The following ZNF254 variants were observed in gnomAD, a reference collection of about 807,000 sequenced individuals.
ZNF254 encodes CTD-2017D11.1.
In ZNF254, 10 loss-of-function variants were observed where a neutral mutation model predicts 12.4. The ratio of observed to expected loss-of-function variants is 0.80; its 90% CI spans 0.50 to 1.36. ZNF254 has a LOEUF of 1.36. ZNF254 is among the 40% of genes most tolerant of loss of function. ZNF254 has a pLI of 0.00. For synonymous variants in ZNF254, 305 were observed against 253.4 expected, an observed-to-expected ratio of 1.20 and a Z score of -1.93; for missense variants, 996 against 763.9, an observed-to-expected ratio of 1.30 and a Z score of -3.58.
At chr19:24,099,254 C>G (rs761098865) in intron 1 of ZNF254, among the ~76,000 whole-genome samples, 4 of 151,460 alleles carry the variant, frequency 2.6e-5, no homozygotes, top group African/African-American at 4.9e-5. Context: ...ATCCACCAGC[C>G]TCAGCCTCCC....
intron 2 of ZNF254, chr19:24,080,043 AC>A (rs1259005702): frequency 6.6e-6 from 1 of 152,170 alleles, no homozygotes; most frequent in African/African-American, 2.4e-5. Context: ...ACATTTTATA[AC>A]CCAGTCTGCC....
intron 1 of ZNF254, among the ~76,000 whole-genome samples, chr19:24,045,778 A>G (rs892792738): frequency 1.3e-5 from 2 of 151,932 alleles, no homozygotes; most frequent in Admixed American, 1.3e-4. Flanking sequence ...AATTAGTCTC[A>G]GAGTGTGGTG....
At chr19:24,126,227 A>T in intron 3 of ZNF254, 27 bp from the exon 4 acceptor site, 1 of 1,375,702 alleles carries the variant, frequency 7.3e-7, no homozygotes, top group East Asian at 2.6e-5. Flanking sequence ...AAGTGGAGTA[A>T]TTTATTTATT....
chr19:24,040,927 A>T (rs190621781), intron 1 of ZNF254, among the ~76,000 whole-genome samples: 1 of 152,328 alleles, frequency 6.6e-6, no homozygotes, highest in Admixed American at 6.5e-5. Context: ...AGTGCTGGAG[A>T]GCAACATCAG....
At chr19:24,088,009 G>A (rs1280897377) in intron 1 of ZNF254, among the ~76,000 whole-genome samples, 1 of 148,252 alleles carries the variant, frequency 6.7e-6, no homozygotes, top group Non-Finnish European at 1.5e-5. Flanking sequence ...TCCGCCTCTT[G>A]GGTTCAAGCG....
Position 24,127,579 on chromosome 19 carries a change from T to G in ZNF254, c.1579T>G (p.Phe527Val). Residue 527 changes from phenylalanine (F) to valine (V), a missense_variant, in exon 4 of 4, where the codon TTT (phenylalanine) becomes GTT (valine). Transcript: ENST00000357002. Reference protein sequence around the residue: ...PYKCEECGKAFNWSSTLTKHK... With the variant: ...PYKCEECGKAVNWSSTLTKHK... Reference sequence around the variant, plus strand: ...CAAATGTGAAGAATGTGGCAAAGCCTTTAACTGGTCCTCAACTCTTACTAA... The same window carrying G: ...CAAATGTGAAGAATGTGGCAAAGCCGTTAACTGGTCCTCAACTCTTACTAA... 6.2e-7 allele frequency: 1 copy of G among 1,608,156 alleles called. No homozygotes were observed. The highest frequency in any genetic ancestry group is 8.5e-7 in the Non-Finnish European group (1 of 1,176,830).
rs1974888917 is a variant in ZNF254 at position 24,126,848 on chromosome 19, CA to C, written c.849del (p.His284IlefsTer3). 1 of 1,612,960 alleles carries C rather than the reference CA, an allele frequency of 6.2e-7. No homozygotes were observed. The highest frequency in any genetic ancestry group is 1.3e-5 in the African/African-American group (1 of 74,854). On this transcript the variant is annotated frameshift_variant, in exon 4 of 4. Transcript: ENST00000357002. LOFTEE classifies it low-confidence loss of function (END_TRUNC). ...TTTAATCGATCCTCAAATCTTACTA[CA>C]CATAAGATAATTCATACTGGAGAGA... ...EAFNRSSNLTTHKIIHTGEKP... is the reference protein window; with the variant it reads ...EAFNRSSNLTXHKIIHTGEKP...
Position 24,128,254 on chromosome 19 carries a change from T to C in ZNF254, c.*274T>C. 2.8e-6 allele frequency: 1 copy of C among 356,232 alleles called. No individual in the cohort carries two copies. The highest frequency in any genetic ancestry group is 5.0e-6 in the Non-Finnish European group (1 of 199,440). The allele number at this position is 356,232 out of a possible 1,614,324, so 22.1% of individuals were successfully genotyped here. Reference sequence around the variant, plus strand: ...AAGCTTCGACAATGCTCACACCCTATTGCACAGGAAAGCATTTATACTTGA... The same window carrying C: ...AAGCTTCGACAATGCTCACACCCTACTGCACAGGAAAGCATTTATACTTGA... On this transcript the variant is annotated 3_prime_UTR_variant, in exon 4 of 4. Transcript: ENST00000357002.
intron 1 of ZNF254, among the ~76,000 whole-genome samples, chr19:24,033,797 G>A (rs556967610): frequency 6.6e-6 from 1 of 152,190 alleles, no homozygotes; most frequent in Non-Finnish European, 1.5e-5. Context: ...CCCGCGTTCA[G>A]CCCCGTCCCT....
At chr19:24,112,451 A>C (rs9710593) in intron 3 of ZNF254, among the ~76,000 whole-genome samples, 7 of 140,658 alleles carry the variant, frequency 5.0e-5, no homozygotes, top group Admixed American at 4.9e-4. Context: ...TTGGTTCCAT[A>C]TGAACTTTAA....
intron 3 of ZNF254, among the ~76,000 whole-genome samples, chr19:24,118,660 C>T (rs912178156): frequency 6.6e-6 from 1 of 151,834 alleles, no homozygotes; most frequent in African/African-American, 2.4e-5. Flanking sequence ...GAGGCCTTAT[C>T]CCTCTATTAA....
chr19:24,078,910 A>G (rs1277673866), intron 2 of ZNF254: 1 of 152,212 alleles, frequency 6.6e-6, no homozygotes, highest in Non-Finnish European at 1.5e-5. Context: ...AGGGCTGTCT[A>G]CAACAAAACA....
chr19:24,087,912 T>G (rs1972126825), intron 1 of ZNF254, among the ~76,000 whole-genome samples: 1 of 151,010 alleles, frequency 6.6e-6, no homozygotes. Context: ...TGTCGTTTTT[T>G]TTTTTTTTTT....
At chr19:24,039,223 A>T (rs1970071964) in intron 1 of ZNF254, among the ~76,000 whole-genome samples, 1 of 152,204 alleles carries the variant, frequency 6.6e-6, no homozygotes, top group Non-Finnish European at 1.5e-5. Context: ...CAGGCTTTGG[A>T]TCTTGTCCAG....
Position 24,126,447 on chromosome 19 carries a change from CCAGAG to C in ZNF254, c.450_454del (p.Lys152IlefsTer4), listed in dbSNP as rs773125432. 8.3e-5 allele frequency: 132 copies of C among 1,596,366 alleles called. No homozygotes were observed. The highest frequency in any genetic ancestry group is 1.1e-4 in the Non-Finnish European group (132 of 1,174,578). Reference sequence around the variant, plus strand: ...GACTTAACCAGTGTTTCACAACTGCCCAGAGCAAAGTATTTCAATGTGATAAATAT... The same window carrying C: ...GACTTAACCAGTGTTTCACAACTGCCCAAAGTATTTCAATGTGATAAATAT... On this transcript the variant is annotated frameshift_variant, in exon 4 of 4. Transcript: ENST00000357002. LOFTEE classifies it low-confidence loss of function (END_TRUNC).
intron 2 of ZNF254, among the ~76,000 whole-genome samples, chr19:24,046,511 C>A (rs756681728): frequency 6.6e-6 from 1 of 151,340 alleles, no homozygotes; most frequent in Non-Finnish European, 1.5e-5. Flanking sequence ...TATTTATGTA[C>A]TTCCTGGGCT....
chr19:24,091,221 A>G (rs1480844279), intron 1 of ZNF254, among the ~76,000 whole-genome samples: 1 of 151,998 alleles, frequency 6.6e-6, no homozygotes, highest in Non-Finnish European at 1.5e-5. Context: ...CTGGGATTAC[A>G]GGCATCAACC....
rs1290765998 is a variant in ZNF254, at chr19:24,127,307, G to A, written c.1307G>A (p.Cys436Tyr). The A allele has an allele frequency of 1.2e-6, 2 of 1,613,666 alleles. No individual in the cohort carries two copies. Among genetic ancestry groups the A allele is most frequent in the Admixed American group, 1.7e-5 (1 of 59,918 alleles). The change falls in exon 4 of 4, where the codon TGT (cysteine) becomes TAT (tyrosine). Residue 436 changes from cysteine to tyrosine, a missense_variant. By Grantham distance (194) the Cys-to-Tyr change is radical. Coordinates refer to ENST00000357002, the MANE Select transcript of ZNF254 (RefSeq NM_203282.4). ...IIHTGEKPYK[C>Y]EECGKAFIWS... Reference sequence around the variant, plus strand: ...CATACTGGAGAGAAACCTTACAAGTGTGAAGAATGTGGCAAAGCATTTATC... The same window carrying A: ...CATACTGGAGAGAAACCTTACAAGTATGAAGAATGTGGCAAAGCATTTATC...
chr19:24,064,382 C>T (rs1034191387), intron 2 of ZNF254, among the ~76,000 whole-genome samples: 16 of 152,176 alleles, frequency 1.1e-4, no homozygotes, highest in Admixed American at 9.8e-4. Flanking sequence ...TACTGCTGGA[C>T]CAACATGCTA....
Sources: gnomAD v4.1 joint callset for allele counts (sites outside exome capture counted in the v4.1 genomes callset) on GRCh38, gnomAD v4.1.1 for gene constraint, MANE v1.5 for transcripts, NCBI Gene and HGNC (gene_info 2026-07-23, HGNC 2026-07-21) for gene names.